The following AP4E1 variants were observed in gnomAD, a reference collection of about 807,000 sequenced individuals.
AP4E1 encodes adaptor related protein complex 4 subunit epsilon 1.
A neutral mutation model predicts 128.2 loss-of-function variants in AP4E1; 56 were observed. The observed-to-expected ratio is 0.44, with a 90% confidence interval of 0.35 to 0.55. AP4E1 has a LOEUF of 0.55. Among genes scored for constraint, AP4E1 ranks in the 20% least tolerant of loss-of-function variants. AP4E1 has a pLI of 0.00. For missense variants in AP4E1, 1,324 were observed against 1,307.7 expected (o/e 1.01, Z -0.19); for synonymous variants, 484 against 473.1 (o/e 1.02, Z -0.30).
chr15:50,938,766 C>CCT lies in AP4E1; in HGVS notation c.944-2668_944-2667dup, dbSNP rs372196029. ...ACAAAGGAAGCAGTAATGAGGTACC[C>CCT]CTCTCTCTCCCAGGCAGGGTAGAAT... is the stretch of plus-strand genomic sequence containing the variant. On this transcript the variant is annotated intron_variant, in intron 8 of 20. Transcript: ENST00000261842. Among the ~76,000 whole-genome samples, 808 of 152,150 alleles carry CCT rather than the reference C, an allele frequency of 5.3e-3. 14 individuals carry two copies. Among genetic ancestry groups the CCT allele is most frequent in the African/African-American group, 0.018 (765 of 41,500 alleles).
At chr15:50,934,869 G>C (rs1183819199) in intron 8 of AP4E1, among the ~76,000 whole-genome samples, 172 bp downstream of exon 8, 3 of 151,960 alleles carry the variant, frequency 2.0e-5, no homozygotes, top group Admixed American at 2.0e-4. Flanking sequence ...ATAGATAAGA[G>C]TAATTTGAAC....
chr15:50,959,205 C>CT (rs1326343391), intron 14 of AP4E1, among the ~76,000 whole-genome samples: 2 of 149,542 alleles, frequency 1.3e-5, no homozygotes, highest in African/African-American at 2.5e-5. Context: ...GAATGAAACT[C>CT]TGTCTCAAAA....
chr15:50,939,021 C>G (rs2063947564), intron 8 of AP4E1, among the ~76,000 whole-genome samples: 1 of 152,118 alleles, frequency 6.6e-6, no homozygotes, highest in Non-Finnish European at 1.5e-5. Flanking sequence ...TAATCCAACC[C>G]AAAATATCTA....
At chr15:50,912,245 T>C (rs973165507) in intron 2 of AP4E1, 96 bp downstream of exon 2, 9 of 1,132,010 alleles carry the variant, frequency 8.0e-6, no homozygotes, top group Non-Finnish European at 1.2e-5. Flanking sequence ...TTGCTAAAAT[T>C]TGATTTATCA....
At chr15:50,922,865 C>T (rs1182326167) in intron 3 of AP4E1, among the ~76,000 whole-genome samples, 6 of 151,720 alleles carry the variant, frequency 4.0e-5, no homozygotes, top group Non-Finnish European at 8.8e-5. Context: ...GCAAGCTCTG[C>T]CTCCTGGGTT....
intron 13 of AP4E1, among the ~76,000 whole-genome samples, chr15:50,956,169 A>G (rs1193161263): frequency 6.6e-6 from 1 of 152,196 alleles, no homozygotes; most frequent in African/African-American, 2.4e-5. Context: ...CCATCTTCCC[A>G]GAAGCAGACA....
upstream of AP4E1, chr15:50,908,490 G>C (rs1008090472): frequency 3.0e-6 from 1 of 335,544 alleles, no homozygotes; most frequent in East Asian, 5.5e-5. Context: ...TCCTCAGGAG[G>C]ACTCACGGTT....
intron 13 of AP4E1, 141 bp downstream of exon 13, chr15:50,950,310 C>T: frequency 1.6e-6 from 1 of 612,298 alleles, no homozygotes; most frequent in African/African-American, 1.8e-5. Flanking sequence ...CCATCTATCA[C>T]TTAACTATTT....
At chr15:50,998,294 G>A (rs554150594) in intron 18 of AP4E1, among the ~76,000 whole-genome samples, 1 of 152,060 alleles carries the variant, frequency 6.6e-6, no homozygotes, top group African/African-American at 2.4e-5. Flanking sequence ...TATTGTCTGG[G>A]CCACTGACCA....
At chr15:50,911,823 TA>T (rs1333350346) in intron 1 of AP4E1, among the ~76,000 whole-genome samples, 2 of 152,080 alleles carry the variant, frequency 1.3e-5, no homozygotes, top group Non-Finnish European at 1.5e-5. Context: ...ATTCTACCAT[TA>T]AGGGGAAGTA....
At position 50,948,042 on chromosome 15, in the gene AP4E1, T is replaced by C. The variant is rs2064086646; in HGVS notation, c.1199T>C (p.Ile400Thr). The C allele has an allele frequency of 1.9e-6, 3 of 1,606,862 alleles. No individual in the cohort carries two copies. The highest frequency in any genetic ancestry group is 2.7e-5 in the African/African-American group (2 of 74,890). ...KRETLELLYR[I>T]TNAQNITVIV... ...TAGACTCTGGAACTTCTTTACAGAA[T>C]TACTAATGCACAGAATATAACAGTT... Residue 400 changes from isoleucine (I) to threonine (T), a missense_variant, in exon 11 of 21, where the codon ATT (isoleucine) becomes ACT (threonine). Coordinates refer to ENST00000261842, the MANE Select transcript of AP4E1 (RefSeq NM_007347.5).
At chr15:50,971,290 A>T (rs2064474442) in intron 15 of AP4E1, among the ~76,000 whole-genome samples, 1 of 152,030 alleles carries the variant, frequency 6.6e-6, no homozygotes, top group African/African-American at 2.4e-5. Flanking sequence ...CCTGGCCTCT[A>T]AGGTTTCTGC....
intron 15 of AP4E1, among the ~76,000 whole-genome samples, chr15:50,982,713 G>C (rs2140912953): frequency 6.6e-6 from 1 of 152,180 alleles, no homozygotes; most frequent in South Asian, 2.1e-4. Context: ...TTTTTACATT[G>C]ATTCTTCTTC....
chr15:50,963,416 A>G (rs2064342575), intron 14 of AP4E1, among the ~76,000 whole-genome samples: 1 of 152,222 alleles, frequency 6.6e-6, no homozygotes, highest in Non-Finnish European at 1.5e-5. Flanking sequence ...ATTCAGCCAA[A>G]TAATATCCCA....
intron 14 of AP4E1, among the ~76,000 whole-genome samples, chr15:50,962,497 T>C (rs1322624324): frequency 3.3e-5 from 5 of 151,980 alleles, no homozygotes; most frequent in Admixed American, 2.6e-4. Context: ...GAATATATAT[T>C]GGGGAAATGA....
At chr15:50,984,348 C>G (rs1398876258) in intron 16 of AP4E1, among the ~76,000 whole-genome samples, 1 of 151,912 alleles carries the variant, frequency 6.6e-6, no homozygotes, top group Non-Finnish European at 1.5e-5. Flanking sequence ...GGTACAGGTT[C>G]ACAACGTGCA....
chr15:50,958,829 C>G, intron 14 of AP4E1, 35 bp downstream of exon 14: 1 of 1,599,422 alleles, frequency 6.3e-7, no homozygotes, highest in Non-Finnish European at 8.6e-7. Context: ...TTAAAAATTG[C>G]GTTGTCATTA....
chr15:50,959,274 C>T (rs1336645114), intron 14 of AP4E1, among the ~76,000 whole-genome samples: 1 of 150,638 alleles, frequency 6.6e-6, no homozygotes. Context: ...GTCAGACTGA[C>T]AAAAGTCAAA....
At chr15:50,985,476 T>G (rs1172573832) in intron 16 of AP4E1, among the ~76,000 whole-genome samples, 1 of 152,234 alleles carries the variant, frequency 6.6e-6, no homozygotes, top group East Asian at 1.9e-4. Context: ...CCATCTTGAA[T>G]TAATTTTTGT....
Sources: allele counts gnomAD v4.1 joint callset (sites outside exome capture counted in the v4.1 genomes callset), GRCh38; gene constraint gnomAD v4.1.1; transcripts MANE v1.5; gene names NCBI Gene and HGNC (gene_info 2026-07-23, HGNC 2026-07-21).